TAF4: variants seen among roughly 807,000 people sequenced by gnomAD.
TAF4 encodes the protein transcription initiation factor TFIID subunit 4.
TAF4 carries 9 observed loss-of-function variants against 90.3 expected under a neutral mutation model. The ratio of observed to expected loss-of-function variants is 0.10; its 90% CI spans 0.06 to 0.17. The LOEUF (loss-of-function observed/expected upper bound fraction) is 0.17, where lower values mean the gene tolerates loss of function less well. TAF4 is among the 10% of genes least tolerant of loss of function. The pLI is 1.00. For missense variants in TAF4, 1,351 were observed against 1,370.7 expected, an observed-to-expected ratio of 0.99 and a Z score of 0.23; for synonymous variants, 818 against 638.9, an observed-to-expected ratio of 1.28 and a Z score of -4.23.
In TAF4 at chr20:62,065,442, G is replaced by T; in HGVS notation, c.369C>A (p.Ala123=). ...CCTCGGGCGGCGGCCTCAGCTTCGC[G>T]GCGGGCGGCGCGGGCCCTGCGGGGA... is the stretch of plus-strand genomic sequence containing the variant. The part of the protein sequence containing the change: ...PLVPAGPAPP[A]AKLRPPPEGS... Residue 123 remains alanine, a synonymous_variant, in exon 1 of 15, where the codon GCC becomes GCA. Coordinates refer to ENST00000252996, the MANE Select transcript of TAF4 (RefSeq NM_003185.4). 1 of 976,392 alleles carries T rather than the reference G, an allele frequency of 1.0e-6. No homozygotes were observed. Among genetic ancestry groups the T allele is most frequent in the South Asian group, 4.6e-5 (1 of 21,870 alleles). 60.5% of individuals were successfully genotyped at this position (976,392 alleles called of 1,614,324 possible).
chr20:62,017,664 A>G (rs925827562), intron 1 of TAF4, among the ~76,000 whole-genome samples: 3 of 151,994 alleles, frequency 2.0e-5, no homozygotes, highest in Admixed American at 6.6e-5. Context: ...TAAAATAATA[A>G]TTTAAAAAAA....
Position 62,000,548 on chromosome 20 carries a change from G to T in TAF4, c.2656+4C>A. On this transcript the variant is annotated splice_donor_region_variant and intron_variant, in intron 10 of 14. Transcript: ENST00000252996. ...AAGAACTCAGTCATTAAACACCAAC[G>T]TACCTATTTCTAATATTCTTCTCTG... 1 of 1,611,398 alleles carries T rather than the reference G, an allele frequency of 6.2e-7. No homozygotes were observed.
chr20:62,047,159 T>C (rs1206786810), intron 1 of TAF4, among the ~76,000 whole-genome samples: 2 of 152,204 alleles, frequency 1.3e-5, no homozygotes, highest in African/African-American at 4.8e-5. Context: ...CACTGTATTT[T>C]ACTCATCTAT....
At chr20:62,016,066 G>A (rs903517378) in intron 1 of TAF4, among the ~76,000 whole-genome samples, 1 of 152,192 alleles carries the variant, frequency 6.6e-6, no homozygotes, top group Non-Finnish European at 1.5e-5. Context: ...GGCCTCCAAG[G>A]CTCCGTCTCC....
At position 62,052,672 on chromosome 20, in the gene TAF4, T is replaced by C. The variant is rs561836111; in HGVS notation, c.1360+11779A>G. ...CACCACCGTCCCCACATTGCACCCC[T>C]ATGTGAACTGCAGGCTCACGCTCCA... On this transcript the variant is annotated intron_variant, in intron 1 of 14. Transcript: ENST00000252996. 7.9e-3 allele frequency among the ~76,000 whole-genome samples: 1,158 copies of C among 147,422 alleles called. 22 individuals carry two copies. The highest frequency in any genetic ancestry group is 0.028 in the African/African-American group (1,088 of 39,162).
intron 14 of TAF4, among the ~76,000 whole-genome samples, chr20:61,979,541 CCA>C (rs1284449351): frequency 3.5e-5 from 5 of 144,628 alleles, no homozygotes; most frequent in African/African-American, 5.2e-5. Context: ...CGTGCAGGCG[CCA>C]TGGCCACTCC....
intron 1 of TAF4, among the ~76,000 whole-genome samples, chr20:62,019,230 T>C (rs999908414): frequency 6.6e-6 from 1 of 152,210 alleles, no homozygotes; most frequent in African/African-American, 2.4e-5. Context: ...CTCTCCTGGC[T>C]GGCACAGCTC....
chr20:62,037,228 G>A (rs1008061861), intron 1 of TAF4, among the ~76,000 whole-genome samples: 2 of 152,030 alleles, frequency 1.3e-5, no homozygotes, highest in Non-Finnish European at 2.9e-5. Context: ...CCTTCTCAAC[G>A]CTTCTGTTTG....
rs779470821 is a variant in TAF4 at position 62,000,219 on chromosome 20, C to T, written c.2692G>A (p.Val898Ile). ...GTGGCATGTGATACATAACTTACTA[C>T]ATCTGGATGTAATTCCGTTATACCA... Reference protein sequence around the residue: ...KHGITELHPDVVSYVSHATQQ... With the variant: ...KHGITELHPDIVSYVSHATQQ... The change falls in exon 11 of 15, where the codon GTA becomes ATA. Residue 898 changes from valine to isoleucine, a missense_variant. Transcript: ENST00000252996. The T allele has an allele frequency of 1.2e-6, 2 of 1,614,212 alleles. No individual in the cohort carries two copies. The highest frequency in any genetic ancestry group is 1.3e-5 in the African/African-American group (1 of 75,070).
chr20:61,992,854 T>C (rs1027035982), intron 14 of TAF4, among the ~76,000 whole-genome samples: 3 of 152,156 alleles, frequency 2.0e-5, no homozygotes, highest in Non-Finnish European at 4.4e-5. Context: ...CTGGAGATGC[T>C]TCCATTGGCC....
At position 61,995,719 on chromosome 20, in the gene TAF4, C is replaced by T. The variant is rs1353684456; in HGVS notation, c.3090+1831G>A. 6.4e-4 allele frequency among the ~76,000 whole-genome samples: 42 copies of T among 65,134 alleles called. 15 individuals are homozygous for T. The highest frequency in any genetic ancestry group is 3.2e-3 in the East Asian group (8 of 2,500). 42.7% of individuals were successfully genotyped at this position (65,134 alleles called of 152,430 possible). ...TCTACTAAAAATACAAAAAATTAGC[C>T]GGGCGCGGTGGCGGGCGCCTGTAGT... On this transcript the variant is annotated intron_variant, in intron 14 of 14. Transcript: ENST00000252996.
At chr20:62,022,550 C>G (rs1366347927) in intron 1 of TAF4, among the ~76,000 whole-genome samples, 1 of 152,204 alleles carries the variant, frequency 6.6e-6, no homozygotes, top group African/African-American at 2.4e-5. Flanking sequence ...CAGTGGTGGA[C>G]AGAACACACG....
At chr20:61,999,992 A>G in intron 11 of TAF4, 132 bp downstream of exon 11, 1 of 1,117,148 alleles carries the variant, frequency 9.0e-7, no homozygotes, top group South Asian at 1.4e-5. Context: ...GAAATCCAAA[A>G]CACGTTCGTA....
chr20:62,032,578 C>T (rs746886207), intron 1 of TAF4, among the ~76,000 whole-genome samples: 26 of 152,372 alleles, frequency 1.7e-4, no homozygotes, highest in South Asian at 4.1e-4. Context: ...ACCACATCCC[C>T]AGCACTCAAC....
At chr20:62,044,113 A>G (rs1373015868) in intron 1 of TAF4, among the ~76,000 whole-genome samples, 5 of 152,256 alleles carry the variant, frequency 3.3e-5, no homozygotes, top group Non-Finnish European at 7.3e-5. Flanking sequence ...AGAGAAAAAT[A>G]TATGTATTTT....
rs577544284 is a variant in TAF4, at chr20:62,016,983, T to A, written c.1361-2276A>T. Among the ~76,000 whole-genome samples, 137 of 150,054 alleles carry A rather than the reference T, an allele frequency of 9.1e-4. 1 individual carries two copies. The East Asian group carries it at 0.012, about 13-fold the overall frequency. On this transcript the variant is annotated intron_variant, in intron 1 of 14. Coordinates refer to ENST00000252996, the MANE Select transcript of TAF4 (RefSeq NM_003185.4). ...AGACCCCATCTTTGCAAAAAAAAAA[T>A]TTTTTTTTAATTAGCCAGGCGTGGT...
At chr20:62,036,907 G>C (rs996627164) in intron 1 of TAF4, among the ~76,000 whole-genome samples, 1 of 152,200 alleles carries the variant, frequency 6.6e-6, no homozygotes, top group Non-Finnish European at 1.5e-5. Context: ...CCTTATGAAA[G>C]AGCCTGTCCC....
At chr20:62,021,452 A>G (rs1441272859) in intron 1 of TAF4, among the ~76,000 whole-genome samples, 1 of 152,140 alleles carries the variant, frequency 6.6e-6, no homozygotes, top group Non-Finnish European at 1.5e-5. Context: ...AGCTGCTGAG[A>G]CACAGCTGCC....
At chr20:62,055,429 C>A (rs2056057762) in intron 1 of TAF4, among the ~76,000 whole-genome samples, 1 of 152,218 alleles carries the variant, frequency 6.6e-6, no homozygotes, top group South Asian at 2.1e-4. Context: ...TCAATTCACA[C>A]TGTGTGCAGG....
Sources: allele counts gnomAD v4.1 joint callset (sites outside exome capture counted in the v4.1 genomes callset), GRCh38; gene constraint gnomAD v4.1.1; transcripts MANE v1.5; gene names NCBI Gene and HGNC (gene_info 2026-07-23, HGNC 2026-07-21).